The following ADAMTS20 variants were observed in gnomAD, a reference collection of about 807,000 sequenced individuals.
ADAMTS20 encodes the protein ADAM metallopeptidase with thrombospondin type 1 motif 20.
A neutral mutation model predicts 260.1 loss-of-function variants in ADAMTS20; 225 were observed. The observed-to-expected ratio is 0.87, with a 90% CI of 0.78 to 0.97. The LOEUF (loss-of-function observed/expected upper bound fraction) is 0.97. Ranked by LOEUF, ADAMTS20 falls within the 50% of genes least tolerant of loss-of-function variation. The probability of loss-of-function intolerance (pLI) is 0.00; values close to 1 mark genes in which losing one functional copy is unlikely to be tolerated. For missense variants in ADAMTS20, 2,400 were observed against 2,337.7 expected, an observed-to-expected ratio of 1.03 and a Z score of -0.55; for synonymous variants, 802 against 769.5, an observed-to-expected ratio of 1.04 and a Z score of -0.70.
chr12:43,502,309 G>A lies in ADAMTS20; in HGVS notation c.710C>T (p.Ser237Leu). ...VMKERVLGHT[S>L]KNVPLKDERR... ...TTCATCTTTCAATGGTACATTTTTT[G>A]ATGTGTGTCCTAAAACTCTTTCTTT... is the stretch of plus-strand genomic sequence containing the variant. The change falls in exon 4 of 39, where the codon TCA becomes TTA. Residue 237 changes from serine (S) to leucine (L), a missense_variant. By Grantham distance (145) the Ser-to-Leu change is moderately radical. Transcript: ENST00000389420. The A allele has an allele frequency of 6.2e-7, 1 of 1,611,596 alleles. No homozygotes were observed. Among genetic ancestry groups the A allele is most frequent in the African/African-American group, 1.3e-5 (1 of 74,792 alleles).
intron 7 of ADAMTS20, among the ~76,000 whole-genome samples, chr12:43,481,718 C>A (rs1321383225): frequency 6.6e-6 from 1 of 152,086 alleles, no homozygotes; most frequent in East Asian, 1.9e-4. Flanking sequence ...AAATAAAAGT[C>A]ATTTTTTTGT....
At chr12:43,354,365 A>T in intron 38 of ADAMTS20, 67 bp from the exon 39 acceptor site, 1 of 1,167,784 alleles carries the variant, frequency 8.6e-7, no homozygotes, top group South Asian at 1.4e-5. Context: ...AAATAGCAGA[A>T]AAAGCAAATG....
At chr12:43,518,037 T>C (rs1035525793) in intron 3 of ADAMTS20, among the ~76,000 whole-genome samples, 7 of 152,140 alleles carry the variant, frequency 4.6e-5, no homozygotes, top group Admixed American at 1.3e-4. Flanking sequence ...AAATTATTGA[T>C]AAATCAAGTT....
chr12:43,436,482 A>C (rs1296727200), intron 18 of ADAMTS20, among the ~76,000 whole-genome samples: 1 of 62,126 alleles, frequency 1.6e-5, no homozygotes, highest in Non-Finnish European at 2.6e-5. Flanking sequence ...TTTAGCCCCA[A>C]ATATTTAAAA....
At position 43,446,715 on chromosome 12, in the gene ADAMTS20, T is replaced by C. The variant is rs1941768426; in HGVS notation, c.2080-3A>G. On this transcript the variant is annotated splice_region_variant and splice_polypyrimidine_tract_variant and intron_variant, in intron 14 of 38. Coordinates refer to ENST00000389420, the MANE Select transcript of ADAMTS20 (RefSeq NM_025003.5). ...AACACGTGATCACAACCAGCTGCCT[T>C]CAAGACACAATTACAATCAATATTA... 6.2e-7 allele frequency: 1 copy of C among 1,607,816 alleles called. No individual in the cohort carries two copies.
In ADAMTS20 at chr12:43,376,449, C is replaced by A. The variant is rs1418616623; in HGVS notation, c.5125+75G>T. 6.0e-6 allele frequency: 9 copies of A among 1,504,196 alleles called. No individual in the cohort carries two copies. In the East Asian group the frequency reaches 2.1e-4, roughly 35 times the overall value. 93.2% of individuals were successfully genotyped at this position (1,504,196 alleles called of 1,614,324 possible). ...ACACTTTGTTTTGTGGAGTGTGAAACTACTACAGATATTTATTTTAACTGA... is the reference window on the plus strand; with the variant it reads ...ACACTTTGTTTTGTGGAGTGTGAAAATACTACAGATATTTATTTTAACTGA... On this transcript the variant is annotated intron_variant, in intron 33 of 38. Transcript: ENST00000389420.
At chr12:43,499,806 A>G (rs892739856) in intron 4 of ADAMTS20, among the ~76,000 whole-genome samples, 1 of 151,962 alleles carries the variant, frequency 6.6e-6, no homozygotes, top group African/African-American at 2.4e-5. Flanking sequence ...CCTGGCCAAT[A>G]CTGATTTTTA....
chr12:43,429,853 G>T (rs1941406887), intron 23 of ADAMTS20, 129 bp from the exon 24 acceptor site: 1 of 594,060 alleles, frequency 1.7e-6, no homozygotes. Context: ...TAATATGAAT[G>T]TTTTCATTTT....
chr12:43,427,467 G>T lies in ADAMTS20; in HGVS notation c.3948C>A (p.Cys1316Ter). 6.2e-7 allele frequency: 1 copy of T among 1,606,168 alleles called. No individual in the cohort carries two copies. The highest frequency in any genetic ancestry group is 8.5e-7 in the Non-Finnish European group (1 of 1,177,224). Residue 1316 changes from cysteine to a stop codon, truncating the protein, a stop_gained and splice_region_variant, in exon 27 of 39, where the codon TGC becomes TGA. Coordinates refer to ENST00000389420, the MANE Select transcript of ADAMTS20 (RefSeq NM_025003.5). LOFTEE classifies it high-confidence loss of function. Reference protein sequence around the residue: ...NQWRTGPWGSCSSSCSGGLQH... With the variant: ...NQWRTGPWGS Reference sequence around the variant, plus strand: ...GAAGACCTCCAGAACAACTGCTGGAGCACTGACAAGAATAAAACACAAAAT... The same window carrying T: ...GAAGACCTCCAGAACAACTGCTGGATCACTGACAAGAATAAAACACAAAAT...
intron 2 of ADAMTS20, among the ~76,000 whole-genome samples, chr12:43,544,027 T>A (rs1032534910): frequency 6.6e-6 from 1 of 152,160 alleles, no homozygotes; most frequent in East Asian, 1.9e-4. Flanking sequence ...AAATGACTGA[T>A]AAATATTTGC....
intron 29 of ADAMTS20, among the ~76,000 whole-genome samples, chr12:43,385,811 A>T (rs1565675196): frequency 1.3e-5 from 2 of 151,980 alleles, no homozygotes; most frequent in Non-Finnish European, 2.9e-5. Context: ...ATTGGCTATT[A>T]ATTACTACCT....
intron 13 of ADAMTS20, 36 bp from the exon 14 acceptor site, chr12:43,452,446 A>G (rs750270017): frequency 1.9e-6 from 3 of 1,606,910 alleles, no homozygotes; most frequent in Admixed American, 3.4e-5. Flanking sequence ...TTTAATGTAT[A>G]ATAATAAAGC....
At chr12:43,427,576 C>T (rs76656243) in intron 26 of ADAMTS20, 107 bp from the exon 27 acceptor site, 19,204 of 1,044,316 alleles carry the variant, frequency 0.018, 506 homozygotes, top group East Asian at 0.1. Flanking sequence ...TCAAACCCTA[C>T]ATTAGAATCT....
intron 21 of ADAMTS20, 140 bp from the exon 22 acceptor site, chr12:43,431,636 AT>A: frequency 2.1e-6 from 2 of 968,578 alleles, no homozygotes; most frequent in Non-Finnish European, 3.1e-6. Context: ...TCCACCAGAG[AT>A]ATTCACTGGG....
At chr12:43,446,243 C>T (rs1292639745) in intron 15 of ADAMTS20, among the ~76,000 whole-genome samples, 1 of 152,014 alleles carries the variant, frequency 6.6e-6, no homozygotes, top group Non-Finnish European at 1.5e-5. Flanking sequence ...TGGGAAAAAT[C>T]ACAAATATAT....
chr12:43,550,470 A>G (rs1943496971), intron 2 of ADAMTS20, among the ~76,000 whole-genome samples: 1 of 152,158 alleles, frequency 6.6e-6, no homozygotes, highest in African/African-American at 2.4e-5. Flanking sequence ...GAGCCATTTC[A>G]TTTTATGTAT....
chr12:43,459,073 C>G (rs1186849616), intron 11 of ADAMTS20, among the ~76,000 whole-genome samples: 1 of 152,190 alleles, frequency 6.6e-6, no homozygotes, highest in Non-Finnish European at 1.5e-5. Flanking sequence ...GGTCCCCTCC[C>G]TTTGTATGGG....
At chr12:43,412,290 C>T (rs1171651212) in intron 28 of ADAMTS20, among the ~76,000 whole-genome samples, 1 of 152,180 alleles carries the variant, frequency 6.6e-6, no homozygotes, top group African/African-American at 2.4e-5. Context: ...CCTACACTTA[C>T]TCTTCAGTAG....
At chr12:43,460,032 G>C (rs1227077030) in intron 11 of ADAMTS20, among the ~76,000 whole-genome samples, 1 of 152,102 alleles carries the variant, frequency 6.6e-6, no homozygotes, top group African/African-American at 2.4e-5. Context: ...ACAGAATAAA[G>C]AAGAATGTTA....
Sources: gnomAD v4.1 joint callset for allele counts (sites outside exome capture counted in the v4.1 genomes callset) on GRCh38, gnomAD v4.1.1 for gene constraint, MANE v1.5 for transcripts, NCBI Gene and HGNC (gene_info 2026-07-23, HGNC 2026-07-21) for gene names.